ERBIN: variants seen among roughly 807,000 people sequenced by gnomAD.
The protein encoded by ERBIN is erbb2 interacting protein.
ERBIN carries 60 observed loss-of-function variants against 158.4 expected under a neutral mutation model. The observed-to-expected ratio is 0.38, with a 90% CI of 0.31 to 0.47. The LOEUF (loss-of-function observed/expected upper bound fraction) is 0.47. ERBIN is among the 20% of genes least tolerant of loss of function. The pLI is 0.99. For missense variants in ERBIN, 1,610 were observed against 1,648.0 expected (o/e 0.98, Z 0.40); for synonymous variants, 594 against 557.2 (o/e 1.07, Z -0.93).
chr5:66,039,953 T>G (rs1452230398), intron 15 of ERBIN, among the ~76,000 whole-genome samples: 2 of 151,952 alleles, frequency 1.3e-5, no homozygotes, highest in Admixed American at 1.3e-4. Context: ...TCAAAGCAAG[T>G]CTTTTATTGC....
chr5:65,973,907 G>A (rs764557489), intron 1 of ERBIN, among the ~76,000 whole-genome samples: 2 of 151,254 alleles, frequency 1.3e-5, no homozygotes, highest in Non-Finnish European at 2.9e-5. Flanking sequence ...ATAGAATTAG[G>A]GAATCAGTTT....
chr5:66,038,110 A>G (rs1425900311), intron 14 of ERBIN, among the ~76,000 whole-genome samples: 3 of 152,208 alleles, frequency 2.0e-5, no homozygotes, highest in Admixed American at 1.3e-4. Context: ...GGATAAACTT[A>G]GTATATGAAA....
At chr5:65,984,867 A>C (rs746716136) in intron 1 of ERBIN, 6 of 151,868 alleles carry the variant, frequency 4.0e-5, no homozygotes, top group Non-Finnish European at 8.8e-5. Flanking sequence ...ATGTCTTGTG[A>C]TCTCTTTAGG....
chr5:65,991,645 G>A (rs1751881130), intron 2 of ERBIN, among the ~76,000 whole-genome samples: 1 of 152,048 alleles, frequency 6.6e-6, no homozygotes, highest in Admixed American at 6.6e-5. Context: ...TATTACTTGT[G>A]CAAATATAAT....
chr5:66,011,087 C>A (rs966504624), intron 4 of ERBIN, among the ~76,000 whole-genome samples: 1 of 152,194 alleles, frequency 6.6e-6, no homozygotes, highest in South Asian at 2.1e-4. Flanking sequence ...TCTAATAGAT[C>A]TCTTGAATAT....
At chr5:66,012,010 G>A in intron 4 of ERBIN, 39 bp from the exon 5 acceptor site, 1 of 1,317,304 alleles carries the variant, frequency 7.6e-7, no homozygotes, top group Non-Finnish European at 1.1e-6. Flanking sequence ...TTTGTCCTTT[G>A]TAATAGATCT....
chr5:65,989,377 T>TTTTTATATTG (rs1223429463), intron 2 of ERBIN, among the ~76,000 whole-genome samples: 2 of 152,204 alleles, frequency 1.3e-5, no homozygotes, highest in Non-Finnish European at 2.9e-5. Flanking sequence ...TTGGTGTTCG[T>TTTTTATATTG]TTTTATATTG....
chr5:66,026,050 G>A lies in ERBIN; in HGVS notation c.1020+73G>A, dbSNP rs6874614. 3.6e-3 allele frequency: 4,383 copies of A among 1,233,588 alleles called. 122 individuals carry two copies. The African/African-American group carries it at 0.061, about 17-fold the overall frequency. The allele number at this position is 1,233,588 out of a possible 1,614,324, so 76.4% of individuals were successfully genotyped here. ...TGATTATCTTCATTATAGCTATTTA[G>A]TGTGGCTTCATTTATTTTCTTTCTA... On this transcript the variant is annotated intron_variant, in intron 12 of 25. Coordinates refer to ENST00000284037, the MANE Select transcript of ERBIN (RefSeq NM_001253697.2).
intron 1 of ERBIN, among the ~76,000 whole-genome samples, chr5:65,965,382 GTT>G (rs200847060): frequency 1.0e-5 from 1 of 96,060 alleles, no homozygotes; most frequent in African/African-American, 4.1e-5. Flanking sequence ...GTTTTTTGTT[GTT>G]TTTTTTTTTT....
chr5:66,007,179 C>T (rs1684528126), intron 4 of ERBIN, among the ~76,000 whole-genome samples: 1 of 151,032 alleles, frequency 6.6e-6, no homozygotes, highest in Admixed American at 6.6e-5. Context: ...GAAAATGTGG[C>T]ACATATACAC....
chr5:66,053,223 A>G (rs927464490), intron 20 of ERBIN, among the ~76,000 whole-genome samples, 183 bp from the exon 21 acceptor site: 1 of 152,204 alleles, frequency 6.6e-6, no homozygotes, highest in Non-Finnish European at 1.5e-5. Context: ...CCAACTGAAT[A>G]TAAAGCTCTT....
chr5:66,011,915 T>G, intron 4 of ERBIN, 134 bp from the exon 5 acceptor site: 1 of 523,802 alleles, frequency 1.9e-6, no homozygotes, highest in Middle Eastern at 5.1e-4. Flanking sequence ...TAGTTCACAT[T>G]GATGTTGTCA....
At chr5:65,957,472 C>T (rs7737297) in intron 1 of ERBIN, among the ~76,000 whole-genome samples, 6,095 of 152,126 alleles carry the variant, frequency 0.04, 412 homozygotes, top group African/African-American at 0.14. Context: ...CATCTTGCAC[C>T]GCCCTTAATC....
intron 1 of ERBIN, among the ~76,000 whole-genome samples, chr5:65,941,864 C>T (rs1280389501): frequency 1.3e-5 from 2 of 152,098 alleles, no homozygotes; most frequent in Non-Finnish European, 2.9e-5. Context: ...CCCCAGCCTC[C>T]TGAGTAGCTG....
At chr5:66,062,432 T>C (rs1437919685) in intron 21 of ERBIN, among the ~76,000 whole-genome samples, 1 of 152,226 alleles carries the variant, frequency 6.6e-6, no homozygotes, top group Non-Finnish European at 1.5e-5. Flanking sequence ...TTATTCTAGT[T>C]ATCCATTAGT....
intron 1 of ERBIN, among the ~76,000 whole-genome samples, chr5:65,977,958 G>GGGGAGAGGGAAAGGGAGA (rs1554051869): frequency 2.1e-5 from 3 of 145,856 alleles, no homozygotes; most frequent in Non-Finnish European, 4.5e-5. Flanking sequence ...GAGAGGGTTA[G>GGGGAGAGGGAAAGGGAGA]GGGAGAGGGA....
At chr5:66,035,483 C>T (rs114433919) in intron 14 of ERBIN, among the ~76,000 whole-genome samples, 1,663 of 152,252 alleles carry the variant, frequency 0.011, 28 homozygotes, top group Middle Eastern at 0.065. Context: ...GAATCTTAAA[C>T]ATCCTAGTGT....
Position 66,053,737 on chromosome 5 carries a change from T to G in ERBIN, c.2419T>G (p.Leu807Val). ...TAATTCTAAAGAGGAAACTGAGCAC[T>G]TGGAAAATGGAAACAAGTATCCTAA... ...SINSKEETEH[L>V]ENGNKYPNLE... Residue 807 changes from leucine (L) to valine (V), a missense_variant, in exon 21 of 26, where the codon TTG becomes GTG. Transcript: ENST00000284037. The G allele has an allele frequency of 6.2e-7, 1 of 1,613,754 alleles. No homozygotes were observed. The highest frequency in any genetic ancestry group is 2.2e-5 in the East Asian group (1 of 44,870).
At chr5:65,929,222 G>T (rs1450182894) in intron 1 of ERBIN, among the ~76,000 whole-genome samples, 1 of 152,104 alleles carries the variant, frequency 6.6e-6, no homozygotes, top group Non-Finnish European at 1.5e-5. Flanking sequence ...CTCAAAAATC[G>T]ATTATTTTAC....
Sources: allele counts gnomAD v4.1 joint callset (sites outside exome capture counted in the v4.1 genomes callset), GRCh38; gene constraint gnomAD v4.1.1; transcripts MANE v1.5; gene names NCBI Gene and HGNC (gene_info 2026-07-23, HGNC 2026-07-21).